The following KAZN variants were observed in gnomAD, a reference collection of about 807,000 sequenced individuals.
The protein encoded by KAZN is kazrin, periplakin interacting protein.
A neutral mutation model predicts 87.4 loss-of-function variants in KAZN; 40 were observed. The ratio of observed to expected loss-of-function variants is 0.46; its 90% confidence interval spans 0.36 to 0.60. The LOEUF is 0.60. KAZN is among the 20% of genes least tolerant of loss of function. The probability of loss-of-function intolerance (pLI) is 0.00; values close to 1 mark genes in which losing one functional copy is unlikely to be tolerated. For missense variants in KAZN, 898 were observed against 1,073.9 expected (o/e 0.84, Z 2.29); for synonymous variants, 466 against 458.3 (o/e 1.02, Z -0.22).
chr1:14,334,375 A>AAG (rs1393673355), intron 2 of KAZN, among the ~76,000 whole-genome samples: 2 of 149,902 alleles, frequency 1.3e-5, no homozygotes, highest in East Asian at 4.0e-4. Flanking sequence ...AAAAAAAAAA[A>AAG]AAAAAAAAAA....
At chr1:14,046,582 T>C (rs373243932) in intron 1 of KAZN, among the ~76,000 whole-genome samples, 7 of 152,166 alleles carry the variant, frequency 4.6e-5, no homozygotes, top group Non-Finnish European at 8.8e-5. Flanking sequence ...GCAGAGATCA[T>C]TGGAGAGAGC....
intron 5 of KAZN, among the ~76,000 whole-genome samples, chr1:15,057,501 C>T (rs1173081925): frequency 1.3e-5 from 2 of 152,206 alleles, no homozygotes; most frequent in Middle Eastern, 3.2e-3. Context: ...ACACAGGGGA[C>T]TTTGAGAACC....
chr1:14,745,798 C>A (rs575494536), intron 1 of KAZN, among the ~76,000 whole-genome samples: 1 of 152,284 alleles, frequency 6.6e-6, no homozygotes, highest in East Asian at 1.9e-4. Flanking sequence ...TTTCCTTTAA[C>A]CCTCAGGATA....
chr1:14,109,813 C>CTTTTTTTTTTTGAGATGGAGTCTCACTCT (rs1289460974), intron 1 of KAZN, among the ~76,000 whole-genome samples: 4 of 125,382 alleles, frequency 3.2e-5, no homozygotes, highest in Non-Finnish European at 5.1e-5. Context: ...CTTATCAAAA[C>CTTTTTTTTTTTGAGATGGAGTCTCACTCT]GATTTCAGCG....
At chr1:14,092,257 A>AT (rs1478763162) in intron 1 of KAZN, among the ~76,000 whole-genome samples, 2 of 150,574 alleles carry the variant, frequency 1.3e-5, no homozygotes, top group Admixed American at 6.6e-5. Flanking sequence ...CGCCCAGCTC[A>AT]TTTTTTTGTA....
At position 14,068,101 on chromosome 1, in the gene KAZN, G is replaced by T. The variant is rs1308252836; in HGVS notation, c.92-112334G>T. ...GCCCGCCTTAACTGCTGGCAAGAGT[G>T]AGGGAGGGGTGTTGATGTTCCCCCC... On this transcript the variant is annotated intron_variant, in intron 1 of 16. Transcript: ENST00000636203. Among the ~76,000 whole-genome samples, 4 of 148,698 alleles carry T rather than the reference G, an allele frequency of 2.7e-5. No homozygotes were observed. In the East Asian group the frequency reaches 8.5e-4, roughly 32 times the overall value.
In KAZN at chr1:15,116,819, A is replaced by G. The variant is rs1224821132; in HGVS notation, c.*2184A>G. 1.3e-5 allele frequency: 2 copies of G among 152,356 alleles called. No homozygotes were observed. Among genetic ancestry groups the G allele is most frequent in the African/African-American group, 2.4e-5 (1 of 41,582 alleles). The allele number at this position is 152,356 out of a possible 1,614,324, so 9.4% of individuals were successfully genotyped here. A position where few individuals can be genotyped will look rare whatever the true frequency, so the allele number is the denominator to read the frequency against. Reference sequence around the variant, plus strand: ...CCAACTTGTCAGAAATGGCACTTACATGGTTCGATCTTGCTGGAGACAAGT... The same window carrying G: ...CCAACTTGTCAGAAATGGCACTTACGTGGTTCGATCTTGCTGGAGACAAGT... On this transcript the variant is annotated 3_prime_UTR_variant, in exon 15 of 15. Coordinates refer to ENST00000376030, the MANE Select transcript of KAZN (RefSeq NM_201628.3).
chr1:14,738,060 A>G (rs1643965627), intron 1 of KAZN, among the ~76,000 whole-genome samples: 1 of 152,164 alleles, frequency 6.6e-6, no homozygotes, highest in Non-Finnish European at 1.5e-5. Flanking sequence ...AATTCTACCT[A>G]CTGCCCTTCA....
intron 2 of KAZN, among the ~76,000 whole-genome samples, chr1:15,024,928 G>A (rs527387431): frequency 1.3e-5 from 2 of 152,280 alleles, no homozygotes; most frequent in African/African-American, 4.8e-5. Flanking sequence ...AGGAGGCACA[G>A]GGAAATCAGC....
At chr1:14,667,070 G>C (rs146054530) in intron 1 of KAZN, among the ~76,000 whole-genome samples, 2 of 152,292 alleles carry the variant, frequency 1.3e-5, no homozygotes, top group East Asian at 3.9e-4. Context: ...GTCATCTCAA[G>C]ATTCTTAACT....
intron 1 of KAZN, among the ~76,000 whole-genome samples, chr1:14,857,728 T>C (rs1047812292): frequency 1.3e-5 from 2 of 152,182 alleles, no homozygotes; most frequent in African/African-American, 4.8e-5. Flanking sequence ...TGGGTAAAAC[T>C]ACCCCAGATG....
intron 1 of KAZN, among the ~76,000 whole-genome samples, chr1:14,679,765 AG>A: frequency 6.6e-6 from 1 of 152,286 alleles, no homozygotes; most frequent in African/African-American, 2.4e-5. Context: ...AACATGCCCA[AG>A]GTCACTTGGC....
In KAZN at chr1:14,184,844, C is replaced by T. The variant is rs1646271210; in HGVS notation, c.249+4252C>T. ...ACATCATCTTGCATTGGGAAGGATG[C>T]CTTGGGAACCGAGCAGTTCACACCT... is the stretch of plus-strand genomic sequence containing the variant. On this transcript the variant is annotated intron_variant, in intron 2 of 16. Coordinates refer to the KAZN transcript ENST00000636203. The surrounding 1 kb of genome is among the most constrained non-coding windows in gnomAD (Gnocchi z 4.2). Among the ~76,000 whole-genome samples, 1 of 152,110 alleles carries T rather than the reference C, an allele frequency of 6.6e-6. No homozygotes were observed.
At chr1:14,005,005 T>C (rs1639974279) in intron 1 of KAZN, among the ~76,000 whole-genome samples, 1 of 151,420 alleles carries the variant, frequency 6.6e-6, no homozygotes, top group South Asian at 2.1e-4. Flanking sequence ...AAGTCTCTTA[T>C]CAGATGCACT....
chr1:13,908,193 G>A (rs1308832857), intron 1 of KAZN, among the ~76,000 whole-genome samples: 2 of 152,236 alleles, frequency 1.3e-5, no homozygotes, highest in Non-Finnish European at 2.9e-5. Flanking sequence ...CAGAAAGCCT[G>A]TAGCTGGGGT....
rs140864784 is a variant in KAZN, at chr1:14,721,015, C to T, written c.226+121792C>T. ...CTTGTTTGTACCCTGTATACAGAGT[C>T]AGGCATTTCTTCTTGCAAAGAGCAC... On this transcript the variant is annotated intron_variant, in intron 1 of 14. Transcript: ENST00000376030. 2.5e-3 allele frequency among the ~76,000 whole-genome samples: 385 copies of T among 152,316 alleles called. 1 individual carries two copies. Among genetic ancestry groups the T allele is most frequent in the African/African-American group, 9.0e-3 (374 of 41,568 alleles).
intron 1 of KAZN, among the ~76,000 whole-genome samples, chr1:14,604,516 TTTGA>T (rs1397103414): frequency 6.6e-6 from 1 of 152,158 alleles, no homozygotes; most frequent in Non-Finnish European, 1.5e-5. Flanking sequence ...TTCTTGCTTG[TTTGA>T]TGCAACCTTG....
chr1:15,040,885 G>A lies in KAZN; in HGVS notation c.556-3104G>A, dbSNP rs543025282. On this transcript the variant is annotated intron_variant, in intron 3 of 14. Transcript: ENST00000376030. ...CTTTCCCTGTCACGTGACTGCAGAT[G>A]GAAGGGAAACAGGCCACTTTCATCT... Among the ~76,000 whole-genome samples the A allele has an allele frequency of 3.3e-5, 5 of 152,126 alleles. No individual in the cohort carries two copies. The South Asian group carries it at 1.0e-3, about 32-fold the overall frequency.
chr1:14,784,441 G>A (rs1180749614), intron 1 of KAZN, among the ~76,000 whole-genome samples: 2 of 152,094 alleles, frequency 1.3e-5, no homozygotes, highest in East Asian at 1.9e-4. Context: ...CTGCATTAAG[G>A]TGTGGCACCA....
Sources: gnomAD v4.1 joint callset for allele counts (sites outside exome capture counted in the v4.1 genomes callset) on GRCh38, gnomAD v4.1.1 for gene constraint, Gnocchi (gnomAD v3.1) non-coding constraint, MANE v1.5 for transcripts, NCBI Gene and HGNC (gene_info 2026-07-23, HGNC 2026-07-21) for gene names.